ZSWIM6: variants seen among roughly 807,000 people sequenced by gnomAD.
ZSWIM6 encodes zinc finger SWIM domain-containing protein 6.
Under a neutral mutation model 113.2 loss-of-function variants are expected in ZSWIM6, and 9 were observed. That is an observed-to-expected ratio of 0.08 (90% CI 0.05 to 0.14). The LOEUF (loss-of-function observed/expected upper bound fraction) is 0.14. Ranked by LOEUF, ZSWIM6 falls within the 10% of genes least tolerant of loss-of-function variation. The pLI, the probability that ZSWIM6 is intolerant of heterozygous loss-of-function variation, is 1.00. For synonymous variants in ZSWIM6, 611 were observed against 606.5 expected (o/e 1.01, Z -0.11); for missense variants, 1,162 against 1,552.2 (o/e 0.75, Z 4.22).
chr5:61,463,111 C>G (rs1158404243), intron 1 of ZSWIM6, among the ~76,000 whole-genome samples: 4 of 152,104 alleles, frequency 2.6e-5, no homozygotes, highest in Admixed American at 1.3e-4. Flanking sequence ...GAAGTAAATA[C>G]TCTCTGATTA....
At chr5:61,405,585 T>A (rs1746027407) in intron 1 of ZSWIM6, among the ~76,000 whole-genome samples, 1 of 152,166 alleles carries the variant, frequency 6.6e-6, no homozygotes, top group South Asian at 2.1e-4. Context: ...TATTTTCTGT[T>A]CTTGGGAGGG....
intron 1 of ZSWIM6, among the ~76,000 whole-genome samples, chr5:61,350,224 T>C (rs1744752054): frequency 6.6e-6 from 1 of 152,230 alleles, no homozygotes; most frequent in African/African-American, 2.4e-5. Flanking sequence ...AGTCACCTCT[T>C]TCACTTGTAC....
intron 2 of ZSWIM6, among the ~76,000 whole-genome samples, chr5:61,479,453 T>C (rs1168490660): frequency 6.6e-6 from 1 of 152,108 alleles, no homozygotes; most frequent in Admixed American, 6.5e-5. Context: ...CTCACACTCT[T>C]TGGTCATCTC....
intron 1 of ZSWIM6, among the ~76,000 whole-genome samples, chr5:61,382,816 A>AAAAGAAAGAAAG (rs57053318): frequency 1.6e-3 from 245 of 150,240 alleles, no homozygotes; most frequent in Non-Finnish European, 2.9e-3. Context: ...AAATAAAAAA[A>AAAAGAAAGAAAG]AAAGAAAGAA....
At chr5:61,371,128 ATTTC>A (rs1200534208) in intron 1 of ZSWIM6, among the ~76,000 whole-genome samples, 2 of 152,090 alleles carry the variant, frequency 1.3e-5, no homozygotes, top group Middle Eastern at 3.4e-3. Context: ...TAGGAATTCA[ATTTC>A]TTTCTATTAT....
chr5:61,414,784 G>A (rs753130959), intron 1 of ZSWIM6, among the ~76,000 whole-genome samples: 10 of 152,152 alleles, frequency 6.6e-5, no homozygotes, highest in Non-Finnish European at 7.3e-5. Flanking sequence ...AGGGGTCAGC[G>A]TTCAATACTG....
chr5:61,460,547 T>A (rs1330302391), intron 1 of ZSWIM6, among the ~76,000 whole-genome samples: 1 of 152,200 alleles, frequency 6.6e-6, no homozygotes, highest in Non-Finnish European at 1.5e-5. Context: ...TAGTTTCTCT[T>A]CTTTCTAAAA....
intron 1 of ZSWIM6, among the ~76,000 whole-genome samples, chr5:61,461,574 G>T (rs1274898249): frequency 6.6e-6 from 1 of 152,134 alleles, no homozygotes; most frequent in South Asian, 2.1e-4. Context: ...GGAGTGCCCT[G>T]TTGCTATAGT....
chr5:61,333,457 C>T (rs1361208310), intron 1 of ZSWIM6, among the ~76,000 whole-genome samples: 3 of 152,022 alleles, frequency 2.0e-5, no homozygotes, highest in Non-Finnish European at 2.9e-5. Flanking sequence ...TGGCCCCCGC[C>T]CCACGCGATT....
chr5:61,356,522 T>G (rs959096341), intron 1 of ZSWIM6, among the ~76,000 whole-genome samples: 3 of 151,312 alleles, frequency 2.0e-5, no homozygotes, highest in African/African-American at 7.3e-5. Flanking sequence ...AAAACTGCAA[T>G]TACTTTTGCA....
chr5:61,404,531 T>C (rs1039860966), intron 1 of ZSWIM6, among the ~76,000 whole-genome samples: 1 of 152,210 alleles, frequency 6.6e-6, no homozygotes. Context: ...GCAGACCTTA[T>C]GGTAGAGGAG....
chr5:61,381,821 AG>A (rs2112081283), intron 1 of ZSWIM6, among the ~76,000 whole-genome samples: 1 of 152,370 alleles, frequency 6.6e-6, no homozygotes, highest in African/African-American at 2.4e-5. Context: ...TGCATTATAT[AG>A]TAGTTTTTTG....
At chr5:61,382,816 A>AAAAAGAAAG (rs1341322472) in intron 1 of ZSWIM6, among the ~76,000 whole-genome samples, 2 of 150,128 alleles carry the variant, frequency 1.3e-5, no homozygotes, top group Non-Finnish European at 3.0e-5. Context: ...AAATAAAAAA[A>AAAAAGAAAG]AAAGAAAGAA....
chr5:61,346,346 A>T (rs1744658246), intron 1 of ZSWIM6, among the ~76,000 whole-genome samples: 1 of 152,194 alleles, frequency 6.6e-6, no homozygotes, highest in Non-Finnish European at 1.5e-5. Flanking sequence ...TATCTTGGGG[A>T]TAGAATATCA....
intron 1 of ZSWIM6, among the ~76,000 whole-genome samples, chr5:61,445,883 T>G (rs1460849810): frequency 2.0e-5 from 3 of 152,194 alleles, no homozygotes; most frequent in African/African-American, 7.2e-5. Context: ...ATGATGGATA[T>G]TTTGTTCCTG....
intron 1 of ZSWIM6, among the ~76,000 whole-genome samples, chr5:61,348,286 A>C (rs1744708315): frequency 6.6e-6 from 1 of 152,204 alleles, no homozygotes; most frequent in Admixed American, 6.5e-5. Flanking sequence ...TAGCATACGT[A>C]GGATGAGTCT....
At chr5:61,491,481 C>T (rs1748174296) in intron 3 of ZSWIM6, among the ~76,000 whole-genome samples, 1 of 151,908 alleles carries the variant, frequency 6.6e-6, no homozygotes, top group South Asian at 2.1e-4. Context: ...AATAACATAT[C>T]TCCTAAAACT....
intron 1 of ZSWIM6, among the ~76,000 whole-genome samples, chr5:61,394,273 G>T (rs1430875861): frequency 6.6e-6 from 1 of 152,156 alleles, no homozygotes; most frequent in African/African-American, 2.4e-5. Flanking sequence ...GGCACATCCC[G>T]CTTGGAGTGC....
Position 61,530,143 on chromosome 5 carries a change from T to A in ZSWIM6, c.1929T>A (p.Leu643=). The change falls in exon 8 of 14, where the codon CTT becomes CTA. Residue 643 remains leucine (L), a synonymous_variant. Coordinates refer to ENST00000252744, the MANE Select transcript of ZSWIM6 (RefSeq NM_020928.2). The part of the protein sequence containing the change: ...LDPVGTLFSS[L]MEACRIDDEN... ...CTGTGGGCACTCTCTTCAGTAGCCTTATGGAAGCCTGCCGCATTGATGATG... is the reference window on the plus strand; with the variant it reads ...CTGTGGGCACTCTCTTCAGTAGCCTAATGGAAGCCTGCCGCATTGATGATG... The A allele has an allele frequency of 6.4e-7, 1 of 1,551,860 alleles. No homozygotes were observed.
Sources: gnomAD v4.1 joint callset for allele counts (sites outside exome capture counted in the v4.1 genomes callset) on GRCh38, gnomAD v4.1.1 for gene constraint, MANE v1.5 for transcripts, NCBI Gene and HGNC (gene_info 2026-07-23, HGNC 2026-07-21) for gene names.